MSL2: variants seen among roughly 807,000 people sequenced by gnomAD.
The protein encoded by MSL2 is MSL complex subunit 2, also known as E3 ubiquitin-protein ligase MSL2.
MSL2 carries 2 observed loss-of-function variants against 35.8 expected under a neutral mutation model. The ratio of observed to expected loss-of-function variants is 0.06; its 90% confidence interval spans 0.02 to 0.18. The LOEUF (loss-of-function observed/expected upper bound fraction) is 0.18, where lower values mean the gene tolerates loss of function less well. Among genes scored for constraint, MSL2 ranks in the 10% least tolerant of loss-of-function variants. MSL2 has a pLI of 1.00. For missense variants in MSL2, 523 were observed against 706.7 expected (o/e 0.74, Z 2.95); for synonymous variants, 296 against 255.7 (o/e 1.16, Z -1.50).
intron 1 of MSL2, among the ~76,000 whole-genome samples, chr3:136,165,765 A>C (rs953844246): frequency 1.3e-5 from 2 of 152,188 alleles, no homozygotes; most frequent in Non-Finnish European, 2.9e-5. Flanking sequence ...TTAAGATTTA[A>C]TTGTTAATGG....
intron 1 of MSL2, among the ~76,000 whole-genome samples, chr3:136,171,732 T>C (rs1485947795): frequency 6.6e-6 from 1 of 152,200 alleles, no homozygotes; most frequent in East Asian, 1.9e-4. Context: ...ATCTAGGTTC[T>C]TTTCACAGCT....
At chr3:136,172,820 A>G (rs1322077806) in intron 1 of MSL2, among the ~76,000 whole-genome samples, 5 of 152,176 alleles carry the variant, frequency 3.3e-5, no homozygotes, top group Non-Finnish European at 7.3e-5. Context: ...TATGAGGATC[A>G]TTAATCTTTT....
intron 1 of MSL2, among the ~76,000 whole-genome samples, chr3:136,179,088 A>T (rs940486785): frequency 6.6e-6 from 1 of 151,204 alleles, no homozygotes; most frequent in Admixed American, 6.6e-5. Context: ...CCAAGGCTCA[A>T]GCAATCCTCC....
chr3:136,157,146 C>T (rs1290197084), intron 1 of MSL2, among the ~76,000 whole-genome samples: 1 of 152,140 alleles, frequency 6.6e-6, no homozygotes, highest in African/African-American at 2.4e-5. Flanking sequence ...AAGATTAGAG[C>T]AGGCCACAGT....
intron 1 of MSL2, among the ~76,000 whole-genome samples, chr3:136,153,940 G>A (rs542419482): frequency 2.6e-4 from 40 of 151,968 alleles, no homozygotes; most frequent in Admixed American, 2.0e-3. Flanking sequence ...AAAATTAGCC[G>A]GGCAGGGTGA....
intron 1 of MSL2, among the ~76,000 whole-genome samples, chr3:136,168,265 T>C (rs991819321): frequency 1.3e-5 from 2 of 151,418 alleles, no homozygotes; most frequent in Non-Finnish European, 2.9e-5. Context: ...GAATTAAAAA[T>C]GACAAAAACT....
At chr3:136,171,339 A>T (rs1393733092) in intron 1 of MSL2, among the ~76,000 whole-genome samples, 2 of 152,170 alleles carry the variant, frequency 1.3e-5, no homozygotes, top group South Asian at 4.1e-4. Context: ...AAAAGGCCTC[A>T]GATGACCCAA....
chr3:136,182,020 C>CA, intron 1 of MSL2, among the ~76,000 whole-genome samples: 2 of 151,708 alleles, frequency 1.3e-5, no homozygotes, highest in African/African-American at 4.8e-5. Context: ...TTTAAAAAAT[C>CA]AAAACTTAAA....
At chr3:136,180,914 A>G (rs1940339112) in intron 1 of MSL2, among the ~76,000 whole-genome samples, 1 of 150,436 alleles carries the variant, frequency 6.6e-6, no homozygotes, top group African/African-American at 2.5e-5. Context: ...GGGGCGGGGG[A>G]GCAGAGGAGG....
chr3:136,162,813 G>A (rs530556053), intron 1 of MSL2, among the ~76,000 whole-genome samples: 5 of 152,062 alleles, frequency 3.3e-5, no homozygotes, highest in East Asian at 1.9e-4. Flanking sequence ...TAACTATTTC[G>A]AATGACTATA....
At chr3:136,164,355 T>C (rs1939783369) in intron 1 of MSL2, among the ~76,000 whole-genome samples, 1 of 152,120 alleles carries the variant, frequency 6.6e-6, no homozygotes, top group African/African-American at 2.4e-5. Flanking sequence ...TGTTGAGAAA[T>C]GAAAATAAGC....
At chr3:136,155,489 A>G (rs980772397) in intron 1 of MSL2, 3 of 179,276 alleles carry the variant, frequency 1.7e-5, no homozygotes, top group South Asian at 1.1e-4. Context: ...AGCCTGGGCA[A>G]TAAGAGCAAA....
intron 1 of MSL2, among the ~76,000 whole-genome samples, chr3:136,190,221 A>C (rs748505806): frequency 4.6e-5 from 7 of 152,228 alleles, no homozygotes; most frequent in Non-Finnish European, 1.0e-4. Flanking sequence ...GGCCTGTGCC[A>C]TGTGTCTTAT....
intron 1 of MSL2, among the ~76,000 whole-genome samples, chr3:136,158,013 CAAAAG>C (rs1939581917): frequency 6.6e-6 from 1 of 152,106 alleles, no homozygotes; most frequent in Non-Finnish European, 1.5e-5. Context: ...GGCCACCAGA[CAAAAG>C]AAAATACAAA....
chr3:136,162,110 T>C (rs1215775021), intron 1 of MSL2, among the ~76,000 whole-genome samples: 1 of 151,662 alleles, frequency 6.6e-6, no homozygotes, highest in African/African-American at 2.4e-5. Context: ...GGTTAATTTT[T>C]TATTTTTAGT....
At position 136,196,152 on chromosome 3, in the gene MSL2, C is replaced by A; in HGVS notation, c.-1039G>T. The A allele has an allele frequency of 6.5e-6, 1 of 153,204 alleles. No individual in the cohort carries two copies. The highest frequency in any genetic ancestry group is 1.9e-4 in the South Asian group (1 of 5,244). 9.5% of individuals were successfully genotyped at this position (153,204 alleles called of 1,614,324 possible). A position where few individuals can be genotyped will look rare whatever the true frequency, so the allele number is the denominator to read the frequency against. ...CCCCCGTGCCTCGCCGCCCTCACCC[C>A]GACTCCACGCGCCACTCCAGCTCGG... On this transcript the variant is annotated 5_prime_UTR_variant, in exon 1 of 2. Transcript: ENST00000309993.
chr3:136,185,542 G>C (rs1054615212), intron 1 of MSL2, among the ~76,000 whole-genome samples: 4 of 146,132 alleles, frequency 2.7e-5, no homozygotes, highest in East Asian at 2.3e-4. Context: ...TTTTTTGGAG[G>C]GGGGGGTGGG....
chr3:136,149,587 CAAAAAAAAA>C lies in MSL2; in HGVS notation c.*1551_*1559del, dbSNP rs368306125. Reference sequence around the variant, plus strand: ...CCACCCCCACCCCACCAAAAGAGACCAAAAAAAAAAAAAGAAAAAAAAGCCCAACAACAA... The same window carrying C: ...CCACCCCCACCCCACCAAAAGAGACCAAAAGAAAAAAAAGCCCAACAACAA... On this transcript the variant is annotated 3_prime_UTR_variant, in exon 2 of 2. Transcript: ENST00000309993. 2 of 110,840 alleles carry C rather than the reference CAAAAAAAAA, an allele frequency of 1.8e-5. No homozygotes were observed. The highest frequency in any genetic ancestry group is 3.8e-5 in the Non-Finnish European group (2 of 52,982). 6.9% of individuals were successfully genotyped at this position (110,840 alleles called of 1,614,324 possible).
In MSL2 at chr3:136,151,345, T is replaced by A; in HGVS notation, c.1536A>T (p.Ala512=). 6.2e-7 allele frequency: 1 copy of A among 1,614,208 alleles called. No homozygotes were observed. Among genetic ancestry groups the A allele is most frequent in the South Asian group, 1.1e-5 (1 of 91,090 alleles). ...YMANGEKKLE[A]FAVPEKALEQ... ...CCAAGGCCTTTTCTGGCACGGCAAATGCCTCCAGCTTCTTCTCCCCATTGG... is the reference window on the plus strand; with the variant it reads ...CCAAGGCCTTTTCTGGCACGGCAAAAGCCTCCAGCTTCTTCTCCCCATTGG... The change falls in exon 2 of 2, where the codon GCA becomes GCT. Residue 512 remains alanine, a synonymous_variant. Transcript: ENST00000309993. The surrounding 1 kb of genome is among the most constrained non-coding windows in gnomAD (Gnocchi z 5.2).
Sources: gnomAD v4.1 joint callset for allele counts (sites outside exome capture counted in the v4.1 genomes callset) on GRCh38, gnomAD v4.1.1 for gene constraint, Gnocchi (gnomAD v3.1) non-coding constraint, MANE v1.5 for transcripts, NCBI Gene and HGNC (gene_info 2026-07-23, HGNC 2026-07-21) for gene names.